The following EYA4 variants were observed in gnomAD, a reference collection of about 807,000 sequenced individuals.
EYA4 encodes protein phosphatase EYA4.
Under a neutral mutation model 87.9 loss-of-function variants are expected in EYA4, and 31 were observed. The ratio of observed to expected loss-of-function variants is 0.35; its 90% confidence interval spans 0.27 to 0.48. The LOEUF (loss-of-function observed/expected upper bound fraction) is 0.48. Among genes scored for constraint, EYA4 ranks in the 20% least tolerant of loss-of-function variants. The pLI, the probability that EYA4 is intolerant of heterozygous loss-of-function variation, is 0.99. For synonymous variants in EYA4, 263 were observed against 270.6 expected, an observed-to-expected ratio of 0.97 and a Z score of 0.28; for missense variants, 678 against 761.4, an observed-to-expected ratio of 0.89 and a Z score of 1.29.
chr6:133,359,639 G>A (rs184992852), intron 2 of EYA4, among the ~76,000 whole-genome samples: 3 of 152,276 alleles, frequency 2.0e-5, no homozygotes, highest in Non-Finnish European at 4.4e-5. Context: ...CAGTAGGACA[G>A]GCAGTCATGT....
intron 2 of EYA4, among the ~76,000 whole-genome samples, chr6:133,303,462 A>G (rs1238656400): frequency 1.3e-5 from 2 of 152,184 alleles, no homozygotes; most frequent in African/African-American, 2.4e-5. Context: ...TTTTGCAGCC[A>G]GTGGTATGAA....
chr6:133,380,440 G>A (rs1297298038), intron 2 of EYA4, among the ~76,000 whole-genome samples: 9 of 152,140 alleles, frequency 5.9e-5, no homozygotes, highest in Admixed American at 5.9e-4. Flanking sequence ...AGCCGTGGGT[G>A]TTAAAGACTA....
In EYA4 at chr6:133,529,493, T is replaced by C. The variant is rs1800879183; in HGVS notation, c.*688T>C. 1.0e-6 allele frequency: 1 copy of C among 969,286 alleles called. No homozygotes were observed. The highest frequency in any genetic ancestry group is 1.2e-6 in the Non-Finnish European group (1 of 817,662). 60.0% of individuals were successfully genotyped at this position (969,286 alleles called of 1,614,324 possible). ...AAGACAGCATTTGTGTGTTACAATG[T>C]AACTTTGGTTAAAATCTCTGTAGAT... On this transcript the variant is annotated 3_prime_UTR_variant, in exon 20 of 20. Coordinates refer to ENST00000355286, the MANE Select transcript of EYA4 (RefSeq NM_004100.5).
At chr6:133,467,172 G>A (rs948667170) in intron 10 of EYA4, among the ~76,000 whole-genome samples, 1 of 152,140 alleles carries the variant, frequency 6.6e-6, no homozygotes, top group African/African-American at 2.4e-5. Context: ...GAATAGCCTG[G>A]ACCTTTCCAG....
intron 1 of EYA4, among the ~76,000 whole-genome samples, chr6:133,271,563 A>G (rs934041756): frequency 2.0e-5 from 3 of 152,270 alleles, no homozygotes; most frequent in East Asian, 1.9e-4. Context: ...AAGAGGTCCA[A>G]TATAATCAAC....
intron 2 of EYA4, among the ~76,000 whole-genome samples, chr6:133,354,447 T>G (rs1783865443): frequency 1.3e-5 from 2 of 152,156 alleles, no homozygotes; most frequent in African/African-American, 4.8e-5. Flanking sequence ...CTAGCTACTG[T>G]TTCCCGAATG....
At chr6:133,448,525 C>T (rs1419476829) in intron 5 of EYA4, among the ~76,000 whole-genome samples, 1 of 152,080 alleles carries the variant, frequency 6.6e-6, no homozygotes, top group Admixed American at 6.6e-5. Context: ...AGCAGAATGG[C>T]CACGCATGCA....
intron 1 of EYA4, among the ~76,000 whole-genome samples, chr6:133,273,908 GGT>G (rs1277652800): frequency 6.6e-6 from 1 of 151,142 alleles, no homozygotes; most frequent in African/African-American, 2.4e-5. Context: ...TGTGTGTGTG[GGT>G]GTGTGTGTGT....
intron 13 of EYA4, among the ~76,000 whole-genome samples, chr6:133,491,577 T>C (rs1423066963): frequency 1.3e-5 from 2 of 151,962 alleles, no homozygotes; most frequent in African/African-American, 2.4e-5. Flanking sequence ...ACTAGACATA[T>C]AAAGCTGTCA....
intron 18 of EYA4, 49 bp downstream of exon 18, chr6:133,523,226 G>A (rs981222766): frequency 1.3e-6 from 2 of 1,592,816 alleles, no homozygotes; most frequent in African/African-American, 2.7e-5. Flanking sequence ...ACATCTGTGT[G>A]TCTCTGCCTA....
At chr6:133,317,219 C>T (rs1263802199) in intron 2 of EYA4, among the ~76,000 whole-genome samples, 1 of 152,190 alleles carries the variant, frequency 6.6e-6, no homozygotes, top group Non-Finnish European at 1.5e-5. Flanking sequence ...ATTTCAATAG[C>T]TCGTAGCACA....
At chr6:133,525,316 C>T in intron 19 of EYA4, 62 bp downstream of exon 19, 1 of 1,424,870 alleles carries the variant, frequency 7.0e-7, no homozygotes, top group Non-Finnish European at 9.9e-7. Context: ...GTTTGCATTT[C>T]TGTAGTTTGG....
At chr6:133,376,768 C>A (rs1785724023) in intron 2 of EYA4, among the ~76,000 whole-genome samples, 1 of 151,904 alleles carries the variant, frequency 6.6e-6, no homozygotes, top group Non-Finnish European at 1.5e-5. Context: ...ATGGTATTTT[C>A]TACATATATT....
intron 2 of EYA4, among the ~76,000 whole-genome samples, chr6:133,284,036 C>A (rs1351681782): frequency 1.3e-5 from 2 of 152,204 alleles, no homozygotes; most frequent in African/African-American, 4.8e-5. Context: ...AACACGTGAA[C>A]TCACCTGCTT....
chr6:133,419,771 G>A (rs1348527656), intron 3 of EYA4, among the ~76,000 whole-genome samples: 1 of 152,184 alleles, frequency 6.6e-6, no homozygotes, highest in Non-Finnish European at 1.5e-5. Flanking sequence ...AGCCATGATG[G>A]TCTGAATAGG....
Position 133,529,992 on chromosome 6 carries a change from G to A in EYA4, c.*1187G>A. 1.0e-6 allele frequency: 1 copy of A among 985,378 alleles called. No individual in the cohort carries two copies. Among genetic ancestry groups the A allele is most frequent in the African/African-American group, 1.7e-5 (1 of 57,346 alleles). The allele number at this position is 985,378 out of a possible 1,614,324, so 61.0% of individuals were successfully genotyped here. On this transcript the variant is annotated 3_prime_UTR_variant, in exon 20 of 20. Transcript: ENST00000355286. ...GCATAAAATTCACATTGAGTGCACA[G>A]GGCTTAAAATAAAGCTAAGTATGTT...
At chr6:133,453,843 C>T (rs936343789) in intron 5 of EYA4, among the ~76,000 whole-genome samples, 11 of 152,068 alleles carry the variant, frequency 7.2e-5, no homozygotes, top group African/African-American at 2.7e-4. Flanking sequence ...CATATACTTT[C>T]CCAGGGATGG....
intron 1 of EYA4, among the ~76,000 whole-genome samples, chr6:133,257,895 A>G (rs1235896392): frequency 6.6e-6 from 1 of 152,106 alleles, no homozygotes; most frequent in Non-Finnish European, 1.5e-5. Context: ...TTGACTATTT[A>G]TGCACTCATT....
At chr6:133,343,538 C>T (rs1399010138) in intron 2 of EYA4, among the ~76,000 whole-genome samples, 1 of 149,746 alleles carries the variant, frequency 6.7e-6, no homozygotes, top group South Asian at 2.1e-4. Flanking sequence ...CTCAACAATA[C>T]CACCACCACC....
Sources: allele counts gnomAD v4.1 joint callset (sites outside exome capture counted in the v4.1 genomes callset), GRCh38; gene constraint gnomAD v4.1.1; transcripts MANE v1.5; gene names NCBI Gene and HGNC (gene_info 2026-07-23, HGNC 2026-07-21).